Variants in LINGO2 observed in about 807,000 individuals in gnomAD.
LINGO2 encodes leucine-rich repeat and immunoglobulin-like domain-containing nogo receptor-interacting protein 2.
Under a neutral mutation model 30.6 loss-of-function variants are expected in LINGO2, and 14 were observed. That is an observed-to-expected ratio of 0.46 (90% CI 0.30 to 0.72). The LOEUF (loss-of-function observed/expected upper bound fraction) is 0.72. Ranked by LOEUF, LINGO2 falls within the 30% of genes least tolerant of loss-of-function variation. The probability of loss-of-function intolerance (pLI) is 0.07; values close to 1 mark genes in which losing one functional copy is unlikely to be tolerated. For synonymous variants in LINGO2, 317 were observed against 288.5 expected, an observed-to-expected ratio of 1.10 and a Z score of -1.00; for missense variants, 729 against 751.7, an observed-to-expected ratio of 0.97 and a Z score of 0.35.
rs529268369 is a variant in LINGO2 at position 28,498,746 on chromosome 9, G to A, written c.-364-22721C>T. Among the ~76,000 whole-genome samples, 7 of 152,204 alleles carry A rather than the reference G, an allele frequency of 4.6e-5. No individual in the cohort carries two copies. The East Asian group carries it at 5.8e-4, about 13-fold the overall frequency. On this transcript the variant is annotated intron_variant, in intron 1 of 5. Transcript: ENST00000379992. ...GCAGAAATCACCCATCTTCTGCGTC[G>A]CTCATGCTGGGAGCTGTAGACTGTA...
the LINGO2 span, among the ~76,000 whole-genome samples, chr9:28,761,851 A>G: frequency 6.6e-6 from 1 of 151,980 alleles, no homozygotes; most frequent in Non-Finnish European, 1.5e-5. Context: ...TTACATAAGG[A>G]CTAATTTTGT....
chr9:28,242,238 A>G (rs764992516), intron 4 of LINGO2, among the ~76,000 whole-genome samples: 2 of 152,170 alleles, frequency 1.3e-5, no homozygotes, highest in African/African-American at 2.4e-5. Flanking sequence ...AAAATGTTAG[A>G]GGAGGTGGTA....
chr9:29,081,044 G>C, the LINGO2 span, among the ~76,000 whole-genome samples: 5 of 152,120 alleles, frequency 3.3e-5, no homozygotes, highest in South Asian at 1.0e-3. Context: ...CCAATCATTA[G>C]AAAAAGAGGG....
chr9:28,739,923 C>CAT, the LINGO2 span, among the ~76,000 whole-genome samples: 10 of 148,710 alleles, frequency 6.7e-5, no homozygotes, highest in South Asian at 4.2e-4. Flanking sequence ...TATAAATATA[C>CAT]ATATATATAT....
chr9:27,945,558 A>C (rs548171212), downstream of LINGO2, among the ~76,000 whole-genome samples: 60 of 152,274 alleles, frequency 3.9e-4, no homozygotes, highest in African/African-American at 1.3e-3. Flanking sequence ...AAACAACAGT[A>C]TTTCTTTCTG....
At chr9:28,833,233 T>C in the LINGO2 span, among the ~76,000 whole-genome samples, 1 of 152,284 alleles carries the variant, frequency 6.6e-6, no homozygotes, top group Non-Finnish European at 1.5e-5. Flanking sequence ...ACTTTTGCCA[T>C]ATATATACCC....
chr9:28,281,320 T>C lies in LINGO2; in HGVS notation c.-87+13888A>G, dbSNP rs1036299162. 4.6e-5 allele frequency among the ~76,000 whole-genome samples: 7 copies of C among 152,250 alleles called. No homozygotes were observed. The South Asian group carries it at 1.4e-3, about 32-fold the overall frequency. ...GTAGTATTCAAATTTGAATTTTCAGTGTAATTCATTTCTAAAGTAATAAAG... is the reference window on the plus strand; with the variant it reads ...GTAGTATTCAAATTTGAATTTTCAGCGTAATTCATTTCTAAAGTAATAAAG... On this transcript the variant is annotated intron_variant, in intron 4 of 5. Coordinates refer to ENST00000379992, the Ensembl canonical transcript of LINGO2.
At chr9:28,239,102 A>T (rs1259840020) in intron 4 of LINGO2, among the ~76,000 whole-genome samples, 1 of 152,136 alleles carries the variant, frequency 6.6e-6, no homozygotes, top group Non-Finnish European at 1.5e-5. Context: ...AGAAATGTAT[A>T]ACCTGAGCAG....
chr9:28,970,709 GC>G, the LINGO2 span, among the ~76,000 whole-genome samples: 1 of 152,142 alleles, frequency 6.6e-6, no homozygotes, highest in Non-Finnish European at 1.5e-5. Flanking sequence ...AAAGGGAATT[GC>G]CAATCCCAGA....
chr9:28,305,363 T>A (rs1228334739), intron 3 of LINGO2, among the ~76,000 whole-genome samples: 1 of 151,994 alleles, frequency 6.6e-6, no homozygotes, highest in Non-Finnish European at 1.5e-5. Flanking sequence ...TAGTGGAGGT[T>A]CTATCCAGTT....
the LINGO2 span, among the ~76,000 whole-genome samples, chr9:28,752,607 G>A: frequency 6.6e-6 from 1 of 151,918 alleles, no homozygotes. Flanking sequence ...AAAAGTCCTA[G>A]GCTATGTTCA....
chr9:28,832,410 T>C, the LINGO2 span, among the ~76,000 whole-genome samples: 1 of 152,178 alleles, frequency 6.6e-6, no homozygotes, highest in Non-Finnish European at 1.5e-5. Context: ...AATGATGTTA[T>C]ATGGGACTAA....
At chr9:28,031,418 A>G (rs1012189525) in intron 4 of LINGO2, among the ~76,000 whole-genome samples, 1 of 151,782 alleles carries the variant, frequency 6.6e-6, no homozygotes, top group East Asian at 1.9e-4. Context: ...ATGGGTTACA[A>G]TATGTTTTGA....
chr9:28,119,202 T>C (rs1444027062), intron 4 of LINGO2, among the ~76,000 whole-genome samples: 4 of 152,188 alleles, frequency 2.6e-5, no homozygotes, highest in Non-Finnish European at 4.4e-5. Context: ...TGTAGGTCAG[T>C]AACCAGCAAA....
At chr9:28,498,119 G>C (rs1375195186) in intron 1 of LINGO2, among the ~76,000 whole-genome samples, 2 of 152,190 alleles carry the variant, frequency 1.3e-5, no homozygotes, top group African/African-American at 4.8e-5. Flanking sequence ...ACCCACTTGA[G>C]GAGGCAGTCT....
the LINGO2 span, among the ~76,000 whole-genome samples, chr9:28,764,824 C>T: frequency 5.9e-5 from 9 of 151,760 alleles, no homozygotes; most frequent in Admixed American, 5.2e-4. Context: ...AAAATCAACA[C>T]ACAAAAATCA....
chr9:28,054,966 T>C lies in LINGO2; in HGVS notation c.-86-42561A>G, dbSNP rs551798067. On this transcript the variant is annotated intron_variant, in intron 4 of 5. Coordinates refer to ENST00000379992, the Ensembl canonical transcript of LINGO2. The stretch of plus-strand genomic sequence containing the variant: ...AGTCTTCTTTCCTCTTAAATGTGAA[T>C]ACTCCTTACATAAGCTTTACTGAAA... 2.6e-5 allele frequency among the ~76,000 whole-genome samples: 4 copies of C among 152,204 alleles called. No individual in the cohort carries two copies. In the East Asian group the frequency reaches 7.7e-4, roughly 29 times the overall value.
chr9:28,331,731 C>T (rs1263624924), intron 3 of LINGO2, among the ~76,000 whole-genome samples: 2 of 152,156 alleles, frequency 1.3e-5, no homozygotes, highest in African/African-American at 4.8e-5. Context: ...GCCTCGGACT[C>T]TCCGGCTCAA....
the LINGO2 span, among the ~76,000 whole-genome samples, chr9:28,938,653 G>A: frequency 1.3e-5 from 2 of 152,162 alleles, no homozygotes; most frequent in East Asian, 3.9e-4. Context: ...ACAGTATTTG[G>A]TACAGTAACA....
Sources: allele counts gnomAD v4.1 joint callset (sites outside exome capture counted in the v4.1 genomes callset), GRCh38; gene constraint gnomAD v4.1.1; transcripts MANE v1.5; gene names NCBI Gene and HGNC (gene_info 2026-07-23, HGNC 2026-07-21).